RERE: variants seen among roughly 807,000 people sequenced by gnomAD.
RERE encodes the protein arginine-glutamic acid dipeptide repeats protein.
A neutral mutation model predicts 146.1 loss-of-function variants in RERE; 40 were observed. The ratio of observed to expected loss-of-function variants is 0.27; its 90% CI spans 0.21 to 0.36. The LOEUF (loss-of-function observed/expected upper bound fraction) is 0.36. Among genes scored for constraint, RERE ranks in the 10% least tolerant of loss-of-function variants. The probability of loss-of-function intolerance (pLI) is 1.00; values close to 1 mark genes in which losing one functional copy is unlikely to be tolerated. For missense variants in RERE, 1,933 were observed against 2,138.7 expected (o/e 0.90, Z 1.90); for synonymous variants, 1,003 against 866.0 (o/e 1.16, Z -2.78).
intron 11 of RERE, among the ~76,000 whole-genome samples, chr1:8,438,679 C>G (rs2124490260): frequency 6.6e-6 from 1 of 152,194 alleles, no homozygotes; most frequent in Non-Finnish European, 1.5e-5. Context: ...CATGAACACT[C>G]TCTGCGCCTG....
intron 1 of RERE, among the ~76,000 whole-genome samples, chr1:8,669,077 T>TGTGG (rs1220047868): frequency 7.5e-6 from 1 of 134,084 alleles, no homozygotes; most frequent in African/African-American, 2.8e-5. Context: ...TGTGTGTGTG[T>TGTGG]TGTGTTTTTA....
At chr1:8,700,834 T>C (rs924684394) in intron 1 of RERE, among the ~76,000 whole-genome samples, 5 of 152,150 alleles carry the variant, frequency 3.3e-5, no homozygotes, top group South Asian at 2.1e-4. Context: ...GCCTACACAA[T>C]AGCAAGCAAA....
chr1:8,720,566 A>C (rs1490898131), intron 1 of RERE, among the ~76,000 whole-genome samples: 1 of 152,160 alleles, frequency 6.6e-6, no homozygotes, highest in Non-Finnish European at 1.5e-5. Flanking sequence ...CGAGCAAGAG[A>C]GAGCAAGCGA....
intron 1 of RERE, among the ~76,000 whole-genome samples, chr1:8,731,796 G>C (rs1640091403): frequency 6.6e-6 from 1 of 151,266 alleles, no homozygotes; most frequent in South Asian, 2.1e-4. Flanking sequence ...TTGTTTGTTT[G>C]TTTGTTTGTT....
chr1:8,609,333 A>G (rs1646762099), intron 4 of RERE, among the ~76,000 whole-genome samples: 1 of 152,206 alleles, frequency 6.6e-6, no homozygotes, highest in Non-Finnish European at 1.5e-5. Flanking sequence ...TGATGCCAGT[A>G]GCAGTCAGCC....
In RERE at chr1:8,686,650, T is replaced by C. The variant is rs530287314; in HGVS notation, c.-144-30209A>G. Among the ~76,000 whole-genome samples the C allele has an allele frequency of 4.6e-5, 7 of 152,210 alleles. No individual in the cohort carries two copies. The East Asian group carries it at 7.7e-4, about 17-fold the overall frequency. On this transcript the variant is annotated intron_variant, in intron 1 of 22. Coordinates refer to ENST00000400908, the MANE Select transcript of RERE (RefSeq NM_001042681.2). ...CTGTAATCTCAGCTACTTGGGAGGC[T>C]GAGGCAGCAGGATCACTTGAACCCG...
In RERE at chr1:8,360,461, G is replaced by A. The variant is rs1570034457; in HGVS notation, c.3046C>T (p.Pro1016Ser). 2 of 972,032 alleles carry A rather than the reference G, an allele frequency of 2.1e-6. No individual in the cohort carries two copies. Among genetic ancestry groups the A allele is most frequent in the East Asian group, 3.0e-5 (1 of 33,338 alleles). 60.2% of individuals were successfully genotyped at this position (972,032 alleles called of 1,614,324 possible). A position where few individuals can be genotyped will look rare whatever the true frequency, so the allele number is the denominator to read the frequency against. The part of the protein sequence containing the change: ...GLTQSQNLPP[P>S]PASHPPTGLH... The stretch of plus-strand genomic sequence containing the variant: ...CCTGTAGGGGGGTGGGAGGCAGGGG[G>A]CGGGGGCAGGTTCTGGCTCTGGGTC... Residue 1016 changes from proline to serine, a missense_variant, in exon 18 of 23, where the codon CCC becomes TCC. Physicochemically the swap from Pro to Ser is moderately conservative, Grantham distance 74 (BLOSUM62 -1). Transcript: ENST00000400908.
At chr1:8,638,347 C>T (rs190028268) in intron 2 of RERE, among the ~76,000 whole-genome samples, 192 of 152,312 alleles carry the variant, frequency 1.3e-3, no homozygotes, top group Non-Finnish European at 2.5e-3. Flanking sequence ...GCCAGTATTG[C>T]TGTGCTTATC....
At chr1:8,766,761 G>A (rs1415960262) in intron 1 of RERE, among the ~76,000 whole-genome samples, 1 of 152,022 alleles carries the variant, frequency 6.6e-6, no homozygotes, top group Non-Finnish European at 1.5e-5. Context: ...AGAAAGACAT[G>A]TTTGGGAGCA....
chr1:8,513,752 C>T (rs914376606), intron 7 of RERE, among the ~76,000 whole-genome samples: 4 of 152,186 alleles, frequency 2.6e-5, no homozygotes, highest in African/African-American at 9.7e-5. Context: ...TGTACTCCAG[C>T]CTGGGCAACA....
chr1:8,534,064 G>C (rs1645692367), intron 7 of RERE, among the ~76,000 whole-genome samples: 1 of 152,204 alleles, frequency 6.6e-6, no homozygotes, highest in Non-Finnish European at 1.5e-5. Flanking sequence ...TTTGTATCCA[G>C]CTCTAGCTGC....
intron 4 of RERE, among the ~76,000 whole-genome samples, chr1:8,613,303 A>T (rs569499657): frequency 6.6e-6 from 1 of 152,296 alleles, no homozygotes; most frequent in South Asian, 2.1e-4. Context: ...CCCCATTTAT[A>T]TCTCCACATC....
rs1570335481 is a variant in RERE at position 8,495,124 on chromosome 1, G to C, written c.1043C>G (p.Ser348Cys). 2.5e-6 allele frequency: 4 copies of C among 1,613,872 alleles called. No homozygotes were observed. Among genetic ancestry groups the C allele is most frequent in the African/African-American group, 1.3e-5 (1 of 74,920 alleles). ...GGCTGCGACACAGCCGTCCTCTGTA[G>C]AGCCTCCATCACACATTCCTGCAAA... Reference protein sequence around the residue: ...AAFAGMCDGGSTEDGCVAASR... With the variant: ...AAFAGMCDGGCTEDGCVAASR... The change falls in exon 10 of 23, where the codon TCT (serine) becomes TGT (cysteine). Residue 348 changes from serine (S) to cysteine (C), a missense_variant. Transcript: ENST00000400908.
chr1:8,774,914 C>G (rs1403519751), intron 1 of RERE, among the ~76,000 whole-genome samples: 1 of 149,032 alleles, frequency 6.7e-6, no homozygotes, highest in Non-Finnish European at 1.5e-5. Context: ...TGAAAAGCCC[C>G]ATATCAGCCT....
chr1:8,731,330 A>G (rs1410288109), intron 1 of RERE, among the ~76,000 whole-genome samples: 1 of 152,172 alleles, frequency 6.6e-6, no homozygotes, highest in East Asian at 1.9e-4. Flanking sequence ...ACCATTTTGC[A>G]ATTGCTCAGA....
intron 1 of RERE, among the ~76,000 whole-genome samples, chr1:8,740,247 C>T (rs1477856397): frequency 6.6e-6 from 1 of 152,182 alleles, no homozygotes; most frequent in Non-Finnish European, 1.5e-5. Context: ...CCTACTGCTC[C>T]TAGACTACAA....
chr1:8,594,801 G>A (rs968258184), intron 4 of RERE, among the ~76,000 whole-genome samples: 1 of 152,186 alleles, frequency 6.6e-6, no homozygotes, highest in Admixed American at 6.5e-5. Context: ...TGGTAAAGAA[G>A]GTTGGCAGAG....
At chr1:8,506,519 A>G (rs1645252039) in intron 8 of RERE, among the ~76,000 whole-genome samples, 1 of 152,254 alleles carries the variant, frequency 6.6e-6, no homozygotes, top group African/African-American at 2.4e-5. Context: ...GACAGAAATA[A>G]TAACTAGACA....
At chr1:8,593,181 G>A (rs1035874540) in intron 4 of RERE, among the ~76,000 whole-genome samples, 1 of 152,154 alleles carries the variant, frequency 6.6e-6, no homozygotes, top group Non-Finnish European at 1.5e-5. Context: ...CGTTACTGGA[G>A]CACAGTAAAC....
Sources: allele counts gnomAD v4.1 joint callset (sites outside exome capture counted in the v4.1 genomes callset), GRCh38; gene constraint gnomAD v4.1.1; transcripts MANE v1.5; gene names NCBI Gene and HGNC (gene_info 2026-07-23, HGNC 2026-07-21).